Variants in RBM12 observed in about 807,000 individuals in gnomAD.
RBM12 encodes the protein RNA-binding protein 12.
In RBM12, 24 loss-of-function variants were observed where a neutral mutation model predicts 37.2. That is an observed-to-expected ratio of 0.65 (90% CI 0.47 to 0.91). The LOEUF (loss-of-function observed/expected upper bound fraction) is 0.91, where lower values mean the gene tolerates loss of function less well. Ranked by LOEUF, RBM12 falls within the 40% of genes least tolerant of loss-of-function variation. The pLI is 0.00. For missense variants in RBM12, 1,061 were observed against 1,183.2 expected (o/e 0.90, Z 1.52); for synonymous variants, 420 against 425.2 (o/e 0.99, Z 0.15).
rs1175412905 is a variant in RBM12, at chr20:35,655,296, A to G, written c.27T>C (p.Gly9=). The G allele has an allele frequency of 3.7e-6, 6 of 1,610,694 alleles. No homozygotes were observed. The Admixed American group carries it at 1.0e-4, about 27-fold the overall frequency. MAVVIRLQ[G]LPIVAGTMDI... ...CCATGGTCCCCGCCACAATTGGGAGACCTTGCAAACGGATGACCACAGCCA... is the reference window on the plus strand; with the variant it reads ...CCATGGTCCCCGCCACAATTGGGAGGCCTTGCAAACGGATGACCACAGCCA... The change falls in exon 3 of 3, where the codon GGT becomes GGC. Residue 9 remains glycine (G), a synonymous_variant. Coordinates refer to ENST00000374114, the MANE Select transcript of RBM12 (RefSeq NM_006047.6).
rs759234111 is a variant in RBM12, at chr20:35,654,056, T to C, written c.1267A>G (p.Arg423Gly). Reference sequence around the variant, plus strand: ...CAAAAACCAGCCTCATGTGGTGATCTTGACCTTGATCTTTTCTGCCCACTG... The same window carrying C: ...CAAAAACCAGCCTCATGTGGTGATCCTGACCTTGATCTTTTCTGCCCACTG... ...SPSGQKRSRS[R>G]SPHEAGFCVY... Residue 423 changes from arginine to glycine, a missense_variant, in exon 3 of 3, where the codon AGA becomes GGA. By Grantham distance (125) the Arg-to-Gly change is moderately radical. Transcript: ENST00000374114. 37 of 1,614,252 alleles carry C rather than the reference T, an allele frequency of 2.3e-5. No homozygotes were observed. The highest frequency in any genetic ancestry group is 3.3e-5 in the South Asian group (3 of 91,090).
rs558686471 is a variant in RBM12, at chr20:35,652,399, T to C, written c.*125A>G. On this transcript the variant is annotated 3_prime_UTR_variant, in exon 3 of 3. Transcript: ENST00000374114. ...AACAGTCAACCAATGCTCTATGTTA[T>C]GGAAACCAAGCTATATGCAATTGAA... 6.2e-5 allele frequency: 73 copies of C among 1,169,932 alleles called. No individual in the cohort carries two copies. The South Asian group carries it at 1.0e-3, about 16-fold the overall frequency. 72.5% of individuals were successfully genotyped at this position (1,169,932 alleles called of 1,614,324 possible).
At chr20:35,659,749 T>C (rs948462559) in intron 1 of RBM12, among the ~76,000 whole-genome samples, 1 of 152,238 alleles carries the variant, frequency 6.6e-6, no homozygotes, top group Non-Finnish European at 1.5e-5. Flanking sequence ...AGGTCACTCA[T>C]CTTTCACTGT....
intron 2 of RBM12, among the ~76,000 whole-genome samples, chr20:35,657,054 C>T (rs2033943147): frequency 6.6e-6 from 1 of 151,734 alleles, no homozygotes; most frequent in Non-Finnish European, 1.5e-5. Context: ...AACTGCTTGG[C>T]TTTGACAGTT....
intron 1 of RBM12, among the ~76,000 whole-genome samples, chr20:35,660,560 A>G (rs1332469714): frequency 1.3e-5 from 2 of 152,170 alleles, no homozygotes; most frequent in Non-Finnish European, 2.9e-5. Flanking sequence ...TCTTCATTTG[A>G]AAGCCATATC....
In RBM12 at chr20:35,654,420, A is replaced by G. The variant is rs766444863; in HGVS notation, c.903T>C (p.Pro301=). Residue 301 remains proline, a synonymous_variant, in exon 3 of 3, where the codon CCT becomes CCC. Transcript: ENST00000374114. ...CATGCACACTGACATACAGATCATCAGGGTTGATGGGGAGTGGCTTCACAC... is the reference window on the plus strand; with the variant it reads ...CATGCACACTGACATACAGATCATCGGGGTTGATGGGGAGTGGCTTCACAC... ...QSSVKPLPIN[P]DDLYVSVHGM... 1 of 1,614,198 alleles carries G rather than the reference A, an allele frequency of 6.2e-7. No homozygotes were observed. Among genetic ancestry groups the G allele is most frequent in the Admixed American group, 1.7e-5 (1 of 60,026 alleles).
rs1037186575 is a variant in RBM12, at chr20:35,650,821, C to T, written c.*1703G>A. On this transcript the variant is annotated 3_prime_UTR_variant, in exon 3 of 3. Transcript: ENST00000374114. ...TCAGTGTTCCACTGACTCACAACAC[C>T]AAAAAGGCACTGTATATATATATAG... is the stretch of plus-strand genomic sequence containing the variant. The T allele has an allele frequency of 4.6e-5, 7 of 152,402 alleles. No homozygotes were observed. The highest frequency in any genetic ancestry group is 5.9e-5 in the Non-Finnish European group (4 of 67,972). The allele number at this position is 152,402 out of a possible 1,614,324, so 9.4% of individuals were successfully genotyped here.
chr20:35,664,388 C>T (rs949414029), intron 1 of RBM12: 1 of 152,276 alleles, frequency 6.6e-6, no homozygotes, highest in African/African-American at 2.4e-5. Flanking sequence ...GTTATAACCT[C>T]TGCTTCACTG....
chr20:35,660,980 C>A (rs928664473), intron 1 of RBM12, among the ~76,000 whole-genome samples: 1 of 152,188 alleles, frequency 6.6e-6, no homozygotes, highest in African/African-American at 2.4e-5. Flanking sequence ...ATTTCTCATT[C>A]CACAAGGCAA....
In RBM12 at chr20:35,650,529, CTTAACA is replaced by C. The variant is rs1159933015; in HGVS notation, c.*1989_*1994del. On this transcript the variant is annotated 3_prime_UTR_variant, in exon 3 of 3. Transcript: ENST00000374114. ...TTGTCTTTGGAATGAGAAATGATTA[CTTAACA>C]TTAACTTAAATTAAACAGCATATAC... 1 of 152,504 alleles carries C rather than the reference CTTAACA, an allele frequency of 6.6e-6. No homozygotes were observed. The highest frequency in any genetic ancestry group is 2.4e-5 in the African/African-American group (1 of 41,422). 9.4% of individuals were successfully genotyped at this position (152,504 alleles called of 1,614,324 possible).
At position 35,664,804 on chromosome 20, in the gene RBM12, C is replaced by G. The variant is rs2034455164; in HGVS notation, c.-152G>C. ...CCAGAACCCAGACCCCGAATTACCC[C>G]CCGCGCGAGTGCCTCCGCCCCGCGG... On this transcript the variant is annotated 5_prime_UTR_variant, in exon 1 of 3. Coordinates refer to ENST00000374114, the MANE Select transcript of RBM12 (RefSeq NM_006047.6). 1 of 152,458 alleles carries G rather than the reference C, an allele frequency of 6.6e-6. No homozygotes were observed. The highest frequency in any genetic ancestry group is 2.4e-5 in the African/African-American group (1 of 41,474). 9.4% of individuals were successfully genotyped at this position (152,458 alleles called of 1,614,324 possible). A position where few individuals can be genotyped will look rare whatever the true frequency, so the allele number is the denominator to read the frequency against.
chr20:35,664,126 C>G (rs1372817946), intron 1 of RBM12, among the ~76,000 whole-genome samples: 1 of 152,178 alleles, frequency 6.6e-6, no homozygotes, highest in African/African-American at 2.4e-5. Flanking sequence ...GCTACACCCT[C>G]GAGTAAAGCC....
At chr20:35,657,041 A>G (rs966918713) in intron 2 of RBM12, among the ~76,000 whole-genome samples, 2 of 152,008 alleles carry the variant, frequency 1.3e-5, no homozygotes, top group Admixed American at 1.3e-4. Flanking sequence ...CAAACAAGAA[A>G]CAAACTGCTT....
rs759115575 is a variant in RBM12 at position 35,655,353 on chromosome 20, G to A, written c.-22-9C>T. On this transcript the variant is annotated splice_polypyrimidine_tract_variant and intron_variant, in intron 2 of 2. Transcript: ENST00000374114. ...GCTGAAACCACACACACCTGCAGAT[G>A]AGAAAAGGCAACGGCCAGGTCAGAC... 2 of 1,579,000 alleles carry A rather than the reference G, an allele frequency of 1.3e-6. No individual in the cohort carries two copies. Among genetic ancestry groups the A allele is most frequent in the East Asian group, 2.2e-5 (1 of 44,714 alleles).
intron 2 of RBM12, among the ~76,000 whole-genome samples, chr20:35,658,672 A>G (rs1430076536): frequency 6.6e-6 from 1 of 152,156 alleles, no homozygotes; most frequent in Non-Finnish European, 1.5e-5. Context: ...GAGGCAGAGA[A>G]GTGCTTGAAC....
In RBM12 at chr20:35,650,399, T is replaced by C. The variant is rs1238308259; in HGVS notation, c.*2125A>G. On this transcript the variant is annotated 3_prime_UTR_variant, in exon 3 of 3. Transcript: ENST00000374114. ...TAAATTGTGAAAAAAGATAAAAGAC[T>C]TTCATCTTCAAACAACCCATTTTTC... 6.6e-6 allele frequency: 1 copy of C among 152,544 alleles called. No individual in the cohort carries two copies. The highest frequency in any genetic ancestry group is 1.5e-5 in the Non-Finnish European group (1 of 68,004). 9.4% of individuals were successfully genotyped at this position (152,544 alleles called of 1,614,324 possible).
At chr20:35,658,682 C>G in intron 2 of RBM12, among the ~76,000 whole-genome samples, 1 of 151,972 alleles carries the variant, frequency 6.6e-6, no homozygotes, top group Admixed American at 6.6e-5. Flanking sequence ...AGTGCTTGAA[C>G]CCGGGAGGCG....
intron 1 of RBM12, among the ~76,000 whole-genome samples, chr20:35,661,701 T>C (rs2146381631): frequency 6.6e-6 from 1 of 152,348 alleles, no homozygotes; most frequent in African/African-American, 2.4e-5. Flanking sequence ...TTACTAGCCA[T>C]TCTAATCACT....
chr20:35,652,797 A>G lies in RBM12; in HGVS notation c.2526T>C (p.Gly842=). The G allele has an allele frequency of 6.2e-7, 1 of 1,608,644 alleles. No homozygotes were observed. Among genetic ancestry groups the G allele is most frequent in the Non-Finnish European group, 8.5e-7 (1 of 1,177,120 alleles). ...CAGAACTAGATGCAAAGCCAGGGGG[A>G]CCACCAATATGGATTGGGCCAGGGC... ...GPGPGPIHIG[G]PPGFASSSGK... Residue 842 remains glycine (G), a synonymous_variant, in exon 3 of 3, where the codon GGT becomes GGC. Coordinates refer to ENST00000374114, the MANE Select transcript of RBM12 (RefSeq NM_006047.6).
Sources: gnomAD v4.1 joint callset for allele counts (sites outside exome capture counted in the v4.1 genomes callset) on GRCh38, gnomAD v4.1.1 for gene constraint, MANE v1.5 for transcripts, NCBI Gene and HGNC (gene_info 2026-07-23, HGNC 2026-07-21) for gene names.